Variants in PDLIM5 observed in about 807,000 individuals in gnomAD.
The protein encoded by PDLIM5 is PDZ and LIM domain protein 5.
PDLIM5 carries 34 observed loss-of-function variants against 64.2 expected under a neutral mutation model. That is an observed-to-expected ratio of 0.53 (90% CI 0.40 to 0.71). PDLIM5 has a LOEUF of 0.71. Ranked by LOEUF, PDLIM5 falls within the 30% of genes least tolerant of loss-of-function variation. The probability of loss-of-function intolerance (pLI) is 0.00; values close to 1 mark genes in which losing one functional copy is unlikely to be tolerated. For synonymous variants in PDLIM5, 253 were observed against 269.1 expected, an observed-to-expected ratio of 0.94 and a Z score of 0.59; for missense variants, 683 against 733.6, an observed-to-expected ratio of 0.93 and a Z score of 0.80.
At chr4:94,487,491 C>G (rs1351650915) in intron 2 of PDLIM5, among the ~76,000 whole-genome samples, 3 of 152,194 alleles carry the variant, frequency 2.0e-5, no homozygotes, top group Non-Finnish European at 4.4e-5. Flanking sequence ...AATTAGGTTT[C>G]TGTGTATAGT....
At chr4:94,650,317 G>A (rs528446721) in intron 9 of PDLIM5, among the ~76,000 whole-genome samples, 2 of 152,062 alleles carry the variant, frequency 1.3e-5, no homozygotes, top group African/African-American at 2.4e-5. Context: ...CTTTGCTCAC[G>A]CCAGGCCCTT....
intron 5 of PDLIM5, 50 bp from the exon 6 acceptor site, chr4:94,585,515 T>G (rs747790342): frequency 4.4e-6 from 5 of 1,135,140 alleles, no homozygotes; most frequent in Non-Finnish European, 6.1e-6. Context: ...TATTTTATCC[T>G]TTTAATATAA....
intron 2 of PDLIM5, among the ~76,000 whole-genome samples, chr4:94,497,471 T>G (rs1578254963): frequency 6.6e-6 from 1 of 152,194 alleles, no homozygotes; most frequent in Non-Finnish European, 1.5e-5. Context: ...CTGAACTATA[T>G]AAAACATGAT....
intron 8 of PDLIM5, among the ~76,000 whole-genome samples, chr4:94,628,766 A>G (rs1055039265): frequency 3.9e-5 from 6 of 152,136 alleles, no homozygotes; most frequent in Admixed American, 2.0e-4. Flanking sequence ...ATTTTAATGT[A>G]TGTCCTTATG....
chr4:94,483,625 G>A (rs1364592829), intron 2 of PDLIM5, among the ~76,000 whole-genome samples: 1 of 152,046 alleles, frequency 6.6e-6, no homozygotes, highest in Non-Finnish European at 1.5e-5. Context: ...ATTTGAATTA[G>A]ATAAAATAAT....
At chr4:94,495,987 G>C (rs938122124) in intron 2 of PDLIM5, among the ~76,000 whole-genome samples, 1 of 151,754 alleles carries the variant, frequency 6.6e-6, no homozygotes, top group African/African-American at 2.4e-5. Flanking sequence ...GGCTAAAATT[G>C]AATTTCCCTC....
chr4:94,651,163 G>T (rs1228762751), intron 9 of PDLIM5, among the ~76,000 whole-genome samples: 1 of 152,172 alleles, frequency 6.6e-6, no homozygotes, highest in Non-Finnish European at 1.5e-5. Flanking sequence ...ATATGTGAAA[G>T]ATTAATTTTA....
intron 9 of PDLIM5, 24 bp from the exon 10 acceptor site, chr4:94,654,432 CTTAG>C (rs771620567): frequency 2.0e-6 from 3 of 1,480,354 alleles, no homozygotes; most frequent in South Asian, 2.3e-5. Flanking sequence ...TATTCTCAAA[CTTAG>C]TTGGCCTCTT....
At chr4:94,459,196 T>C (rs2126076833) in intron 2 of PDLIM5, among the ~76,000 whole-genome samples, 1 of 152,330 alleles carries the variant, frequency 6.6e-6, no homozygotes, top group South Asian at 2.1e-4. Flanking sequence ...TTTAAGTTGT[T>C]ATATCCTAAA....
intron 2 of PDLIM5, among the ~76,000 whole-genome samples, chr4:94,497,059 T>A (rs756653124): frequency 6.6e-6 from 1 of 152,212 alleles, no homozygotes; most frequent in Non-Finnish European, 1.5e-5. Context: ...ACTTTTAAGC[T>A]TACACCAAAT....
At chr4:94,536,962 T>C (rs1362503401) in intron 3 of PDLIM5, among the ~76,000 whole-genome samples, 1 of 152,190 alleles carries the variant, frequency 6.6e-6, no homozygotes, top group Admixed American at 6.5e-5. Flanking sequence ...TCAAATTCTT[T>C]TGTTTAATGT....
chr4:94,664,711 A>G lies in PDLIM5; in HGVS notation c.*644A>G, dbSNP rs890580570. The G allele has an allele frequency of 5.6e-6, 1 of 180,102 alleles. No individual in the cohort carries two copies. Among genetic ancestry groups the G allele is most frequent in the Non-Finnish European group, 1.1e-5 (1 of 93,732 alleles). 11.2% of individuals were successfully genotyped at this position (180,102 alleles called of 1,614,324 possible). A position where few individuals can be genotyped will look rare whatever the true frequency, so the allele number is the denominator to read the frequency against. ...ATGGTGAAACCCCATCTCTACTAAA[A>G]ATACAAAAATTAGCCGGACGCAGTG... On this transcript the variant is annotated 3_prime_UTR_variant, in exon 13 of 13. Coordinates refer to ENST00000317968, the MANE Select transcript of PDLIM5 (RefSeq NM_006457.5).
intron 3 of PDLIM5, among the ~76,000 whole-genome samples, chr4:94,532,484 T>A (rs1444566406): frequency 6.6e-6 from 1 of 152,152 alleles, no homozygotes; most frequent in African/African-American, 2.4e-5. Context: ...AGTCAGCTGC[T>A]TAATCCATCA....
intron 2 of PDLIM5, among the ~76,000 whole-genome samples, chr4:94,490,632 G>T (rs1174248429): frequency 6.6e-6 from 1 of 152,088 alleles, no homozygotes; most frequent in Non-Finnish European, 1.5e-5. Context: ...GTATTAAAAT[G>T]AGTCAGCATT....
intron 5 of PDLIM5, chr4:94,582,942 AACTT>A (rs1415106877): frequency 4.0e-6 from 2 of 502,942 alleles, no homozygotes; most frequent in African/African-American, 3.9e-5. Flanking sequence ...TGTAATGAAA[AACTT>A]AGTAAGTTAA....
At chr4:94,628,671 T>C (rs1263646591) in intron 8 of PDLIM5, among the ~76,000 whole-genome samples, 2 of 152,128 alleles carry the variant, frequency 1.3e-5, no homozygotes, top group Admixed American at 6.6e-5. Flanking sequence ...GGTGGGAAAA[T>C]GGTAAAAGCC....
chr4:94,608,362 G>C (rs1485602979), intron 7 of PDLIM5, among the ~76,000 whole-genome samples: 1 of 152,164 alleles, frequency 6.6e-6, no homozygotes, highest in Non-Finnish European at 1.5e-5. Flanking sequence ...TTTTATTTTT[G>C]TTTAGTTTAT....
At chr4:94,531,858 G>A (rs1730900826) in intron 3 of PDLIM5, among the ~76,000 whole-genome samples, 1 of 151,918 alleles carries the variant, frequency 6.6e-6, no homozygotes, top group Non-Finnish European at 1.5e-5. Flanking sequence ...TCCCCTGTCA[G>A]TATTCTGTAA....
Position 94,611,149 on chromosome 4 carries a change from A to C in PDLIM5, c.921-6855A>C, listed in dbSNP as rs540823063. On this transcript the variant is annotated intron_variant, in intron 7 of 12. Coordinates refer to ENST00000317968, the MANE Select transcript of PDLIM5 (RefSeq NM_006457.5). ...GTCTCCAAGCCTTTAGCTTTTTCCT[A>C]TCTGCAGTCCTCAAGGAAATCAACT... The C allele has an allele frequency of 5.9e-4, 908 of 1,534,646 alleles. 1 individual carries two copies. Among genetic ancestry groups the C allele is most frequent in the Admixed American group, 1.0e-3 (51 of 50,994 alleles).
Sources: gnomAD v4.1 joint callset for allele counts (sites outside exome capture counted in the v4.1 genomes callset) on GRCh38, gnomAD v4.1.1 for gene constraint, MANE v1.5 for transcripts, NCBI Gene and HGNC (gene_info 2026-07-23, HGNC 2026-07-21) for gene names.